Variants in CNTN4 observed in about 807,000 individuals in gnomAD.
CNTN4 encodes the protein contactin 4.
A neutral mutation model predicts 122.5 loss-of-function variants in CNTN4; 77 were observed. The observed-to-expected ratio is 0.63, with a 90% CI of 0.52 to 0.76. The LOEUF is 0.76. Ranked by LOEUF, CNTN4 falls within the 30% of genes least tolerant of loss-of-function variation. CNTN4 has a pLI of 0.00. For missense variants in CNTN4, 1,256 were observed against 1,259.1 expected (o/e 1.00, Z 0.04); for synonymous variants, 512 against 447.0 (o/e 1.15, Z -1.83).
In CNTN4 at chr3:2,359,814, G is replaced by A. The variant is rs987087005; in HGVS notation, c.-89+20581G>A. On this transcript the variant is annotated intron_variant, in intron 3 of 24. Transcript: ENST00000418658. ...TCGGCCTCCCAAAGTGCTGGGATTA[G>A]GGTCGAGAGCCACGGCACCTGGCCG... Among the ~76,000 whole-genome samples the A allele has an allele frequency of 2.0e-5, 3 of 152,130 alleles. No homozygotes were observed. The South Asian group carries it at 6.2e-4, about 31-fold the overall frequency.
At chr3:2,756,350 C>T (rs948527182) in intron 6 of CNTN4, among the ~76,000 whole-genome samples, 1 of 152,134 alleles carries the variant, frequency 6.6e-6, no homozygotes, top group Non-Finnish European at 1.5e-5. Context: ...AAAGTGATTC[C>T]TAAGAGCTCC....
intron 3 of CNTN4, among the ~76,000 whole-genome samples, chr3:2,486,846 TG>T (rs2151631039): frequency 6.6e-6 from 1 of 152,270 alleles, no homozygotes; most frequent in Non-Finnish European, 1.5e-5. Flanking sequence ...CCATTTAGAG[TG>T]TTGAATTTAA....
intron 4 of CNTN4, among the ~76,000 whole-genome samples, chr3:2,683,368 T>C (rs1274118945): frequency 6.6e-6 from 1 of 151,778 alleles, no homozygotes; most frequent in Non-Finnish European, 1.5e-5. Flanking sequence ...GTGGATAGTC[T>C]CAGCAGCTTT....
At chr3:2,567,194 C>G (rs554811677) in intron 3 of CNTN4, among the ~76,000 whole-genome samples, 1 of 151,124 alleles carries the variant, frequency 6.6e-6, no homozygotes, top group African/African-American at 2.4e-5. Context: ...TCAAGCCATT[C>G]TCCTGCCTCA....
intron 6 of CNTN4, among the ~76,000 whole-genome samples, chr3:2,815,217 A>G (rs77202709): frequency 6.6e-6 from 1 of 152,220 alleles, no homozygotes; most frequent in Non-Finnish European, 1.5e-5. Flanking sequence ...AGCAAATGCA[A>G]TAAAAGCAAA....
chr3:2,277,840 A>T (rs918205377), intron 2 of CNTN4, among the ~76,000 whole-genome samples: 2 of 152,226 alleles, frequency 1.3e-5, no homozygotes, highest in African/African-American at 4.8e-5. Context: ...GCACAATGCT[A>T]TTTATTGAAT....
chr3:2,960,016 G>A (rs2094837248), intron 13 of CNTN4, among the ~76,000 whole-genome samples: 1 of 152,074 alleles, frequency 6.6e-6, no homozygotes, highest in Non-Finnish European at 1.5e-5. Flanking sequence ...TTTGAAATCT[G>A]TCTCATGATA....
intron 2 of CNTN4, among the ~76,000 whole-genome samples, chr3:2,203,485 G>A (rs923633088): frequency 6.6e-6 from 1 of 151,982 alleles, no homozygotes; most frequent in Admixed American, 6.6e-5. Flanking sequence ...GCTTAAAAAG[G>A]GAAAAGAAAG....
At chr3:2,263,630 GA>G (rs1302235117) in intron 2 of CNTN4, among the ~76,000 whole-genome samples, 4 of 151,840 alleles carry the variant, frequency 2.6e-5, no homozygotes, top group Non-Finnish European at 5.9e-5. Context: ...TTTGTGTTGG[GA>G]ATACTGCAAA....
At chr3:2,766,138 A>G (rs532772738) in intron 6 of CNTN4, among the ~76,000 whole-genome samples, 3 of 152,318 alleles carry the variant, frequency 2.0e-5, no homozygotes, top group Admixed American at 6.5e-5. Context: ...AAATTTAAAT[A>G]TCACCTGTCT....
chr3:2,819,687 A>T lies in CNTN4; in HGVS notation c.454+106A>T. 5 of 874,862 alleles carry T rather than the reference A, an allele frequency of 5.7e-6. No homozygotes were observed. In the South Asian group the frequency reaches 7.0e-5, roughly 12 times the overall value. The allele number at this position is 874,862 out of a possible 1,614,324, so 54.2% of individuals were successfully genotyped here. A position where few individuals can be genotyped will look rare whatever the true frequency, so the allele number is the denominator to read the frequency against. On this transcript the variant is annotated intron_variant, in intron 7 of 24. Transcript: ENST00000418658. ...TGAGTGCACAGTGTCATTTATAGAG[A>T]TTCCCAAAGCCCCTCCATGTGGAGG...
chr3:2,474,806 G>A (rs570896742), intron 3 of CNTN4, among the ~76,000 whole-genome samples: 13 of 152,194 alleles, frequency 8.5e-5, no homozygotes, highest in African/African-American at 3.1e-4. Flanking sequence ...CCATATCTCA[G>A]GTAGTTTATA....
At chr3:2,353,766 G>A (rs937384154) in intron 3 of CNTN4, among the ~76,000 whole-genome samples, 1 of 152,194 alleles carries the variant, frequency 6.6e-6, no homozygotes, top group Admixed American at 6.5e-5. Flanking sequence ...GGGTGTGGTG[G>A]CGGGCGCCTG....
At chr3:2,701,992 G>T (rs1029489847) in intron 4 of CNTN4, among the ~76,000 whole-genome samples, 1 of 152,152 alleles carries the variant, frequency 6.6e-6, no homozygotes, top group African/African-American at 2.4e-5. Context: ...CAGATTCAGA[G>T]GAAAGAAGCC....
At chr3:2,541,254 G>A (rs936703465) in intron 3 of CNTN4, among the ~76,000 whole-genome samples, 3 of 152,102 alleles carry the variant, frequency 2.0e-5, no homozygotes, top group East Asian at 1.9e-4. Flanking sequence ...TGTGGAGTAT[G>A]GGCCTTCTAG....
At chr3:2,769,293 C>T (rs947839776) in intron 6 of CNTN4, among the ~76,000 whole-genome samples, 4 of 152,038 alleles carry the variant, frequency 2.6e-5, no homozygotes, top group Admixed American at 2.6e-4. Flanking sequence ...GAAACCCCAT[C>T]TCTACTAAAA....
At chr3:2,679,426 G>C (rs1304875013) in intron 4 of CNTN4, among the ~76,000 whole-genome samples, 1 of 152,066 alleles carries the variant, frequency 6.6e-6, no homozygotes, top group South Asian at 2.1e-4. Flanking sequence ...TTTCTTAGTT[G>C]ATAAAGGACA....
intron 23 of CNTN4, among the ~76,000 whole-genome samples, chr3:3,044,855 C>T (rs1700480793): frequency 6.6e-6 from 1 of 152,216 alleles, no homozygotes; most frequent in East Asian, 1.9e-4. Flanking sequence ...AATTCCCTTT[C>T]CTAGCCAAGC....
intron 3 of CNTN4, among the ~76,000 whole-genome samples, chr3:2,506,312 A>G (rs542984143): frequency 2.0e-5 from 3 of 152,384 alleles, no homozygotes; most frequent in African/African-American, 4.8e-5. Context: ...AAAAGAGCTC[A>G]GTACCAGAGC....
Sources: allele counts gnomAD v4.1 joint callset (sites outside exome capture counted in the v4.1 genomes callset), GRCh38; gene constraint gnomAD v4.1.1; transcripts MANE v1.5; gene names NCBI Gene and HGNC (gene_info 2026-07-23, HGNC 2026-07-21).